Variants in ANO2 observed in about 807,000 individuals in gnomAD.
ANO2 encodes the protein anoctamin-2.
Under a neutral mutation model 124.2 loss-of-function variants are expected in ANO2, and 101 were observed. The ratio of observed to expected loss-of-function variants is 0.81; its 90% CI spans 0.69 to 0.96. The LOEUF is 0.96. Ranked by LOEUF, ANO2 falls within the 40% of genes least tolerant of loss-of-function variation. The pLI is 0.00. For synonymous variants in ANO2, 486 were observed against 482.5 expected (o/e 1.01, Z -0.09); for missense variants, 1,293 against 1,274.5 (o/e 1.01, Z -0.22).
At chr12:5,931,430 A>C (rs1247454672) in intron 1 of ANO2, among the ~76,000 whole-genome samples, 5 of 152,148 alleles carry the variant, frequency 3.3e-5, no homozygotes, top group African/African-American at 1.2e-4. Flanking sequence ...TTAAAGCTAA[A>C]CAGAATGTGG....
At chr12:5,666,584 G>A (rs972689282) in intron 14 of ANO2, among the ~76,000 whole-genome samples, 7 of 152,090 alleles carry the variant, frequency 4.6e-5, no homozygotes, top group Non-Finnish European at 7.4e-5. Flanking sequence ...TAAGCTCCTC[G>A]TTACCAAATT....
At chr12:5,748,743 T>G (rs1951346137) in intron 11 of ANO2, among the ~76,000 whole-genome samples, 1 of 151,852 alleles carries the variant, frequency 6.6e-6, no homozygotes. Context: ...TCATGCTAGA[T>G]GCACTGGGGA....
chr12:5,673,389 T>C (rs544486265), intron 14 of ANO2, among the ~76,000 whole-genome samples: 4 of 152,320 alleles, frequency 2.6e-5, no homozygotes, highest in African/African-American at 4.8e-5. Flanking sequence ...TTAAGAAGCA[T>C]TGGCAGGCCT....
intron 13 of ANO2, chr12:5,733,158 C>A: frequency 1.9e-6 from 1 of 527,750 alleles, no homozygotes; most frequent in Non-Finnish European, 3.4e-6. Flanking sequence ...ACATCAAAGT[C>A]AAGGGTGGCC....
intron 10 of ANO2, among the ~76,000 whole-genome samples, chr12:5,762,819 G>C (rs1207243558): frequency 1.4e-5 from 2 of 147,366 alleles, no homozygotes; most frequent in Non-Finnish European, 3.0e-5. Flanking sequence ...TTGGAGTATT[G>C]ATAAGAGATA....
intron 14 of ANO2, among the ~76,000 whole-genome samples, chr12:5,688,375 T>C (rs550305270): frequency 1.7e-4 from 26 of 152,154 alleles, no homozygotes; most frequent in Non-Finnish European, 2.9e-4. Context: ...GCAGGACTGG[T>C]CACCCCTCTC....
At chr12:5,701,463 T>G (rs1423486942) in intron 14 of ANO2, among the ~76,000 whole-genome samples, 1 of 152,190 alleles carries the variant, frequency 6.6e-6, no homozygotes, top group East Asian at 1.9e-4. Flanking sequence ...AGACTTAGAT[T>G]CCTTGAAAGG....
chr12:5,762,332 T>C (rs1006088605), intron 10 of ANO2, among the ~76,000 whole-genome samples: 3 of 152,076 alleles, frequency 2.0e-5, no homozygotes, highest in Admixed American at 6.5e-5. Context: ...CACTGAAAAA[T>C]TGTTCTAAGA....
In ANO2 at chr12:5,830,421, A is replaced by G. The variant is rs2051540443; in HGVS notation, c.840+14T>C. ...CCCATCCTCTTTCCTAACACAGTAC[A>G]TCCATTTACTTACAATGCGGCTGCG... On this transcript the variant is annotated intron_variant, in intron 6 of 24. Coordinates refer to ENST00000682330, the MANE Select transcript of ANO2 (RefSeq NM_001364791.2). 2 of 1,611,620 alleles carry G rather than the reference A, an allele frequency of 1.2e-6. No homozygotes were observed. Among genetic ancestry groups the G allele is most frequent in the South Asian group, 1.1e-5 (1 of 90,182 alleles).
chr12:5,930,533 A>G (rs1942318515), intron 1 of ANO2, among the ~76,000 whole-genome samples: 1 of 152,218 alleles, frequency 6.6e-6, no homozygotes, highest in Non-Finnish European at 1.5e-5. Context: ...GTAGGCAACC[A>G]TGGTCCTGCT....
chr12:5,922,925 G>A (rs1941785594), intron 1 of ANO2, 121 bp from the exon 2 acceptor site: 6 of 1,062,838 alleles, frequency 5.6e-6, no homozygotes, highest in Non-Finnish European at 7.6e-6. Flanking sequence ...CTTCACAGCT[G>A]CCTCCTTGGT....
chr12:5,657,394 A>C (rs1947212193), intron 14 of ANO2, among the ~76,000 whole-genome samples: 1 of 152,148 alleles, frequency 6.6e-6, no homozygotes, highest in Admixed American at 6.5e-5. Context: ...TGGCTTGAGG[A>C]GACATGAATA....
intron 3 of ANO2, among the ~76,000 whole-genome samples, chr12:5,919,752 C>CA (rs1352423494): frequency 6.6e-6 from 1 of 151,268 alleles, no homozygotes; most frequent in Non-Finnish European, 1.5e-5. Context: ...GGCTGGAGTG[C>CA]AGTGGCGCGA....
chr12:5,761,747 C>A (rs1390845599), intron 10 of ANO2, among the ~76,000 whole-genome samples: 1 of 152,100 alleles, frequency 6.6e-6, no homozygotes, highest in East Asian at 1.9e-4. Flanking sequence ...TAGAAACTAA[C>A]CCAAATGTTT....
intron 14 of ANO2, among the ~76,000 whole-genome samples, chr12:5,674,685 C>T (rs1250092602): frequency 2.0e-5 from 3 of 152,194 alleles, no homozygotes; most frequent in Admixed American, 6.5e-5. Flanking sequence ...AGGTGGGCCA[C>T]CTTGACTGCA....
At chr12:5,943,507 G>A (rs1294057091) in intron 1 of ANO2, among the ~76,000 whole-genome samples, 4 of 152,062 alleles carry the variant, frequency 2.6e-5, no homozygotes, top group Admixed American at 1.3e-4. Flanking sequence ...GGGACTCAGC[G>A]GGTAAGGGTG....
intron 3 of ANO2, among the ~76,000 whole-genome samples, chr12:5,882,963 C>T (rs12316156): frequency 0.024 from 3,685 of 152,178 alleles, 150 homozygotes; most frequent in African/African-American, 0.085. Flanking sequence ...GATATGAGAG[C>T]AAAGACGGCT....
At chr12:5,930,607 C>A (rs1349213927) in intron 1 of ANO2, among the ~76,000 whole-genome samples, 2 of 152,272 alleles carry the variant, frequency 1.3e-5, no homozygotes, top group South Asian at 2.1e-4. Flanking sequence ...GACCCTCCCC[C>A]TGGACCCCTC....
chr12:5,832,713 G>C, intron 4 of ANO2, 110 bp from the exon 5 acceptor site: 1 of 1,236,774 alleles, frequency 8.1e-7, no homozygotes, highest in South Asian at 1.6e-5. Context: ...GAACATTGGA[G>C]AGAGGAAGAG....
Sources: allele counts gnomAD v4.1 joint callset (sites outside exome capture counted in the v4.1 genomes callset), GRCh38; gene constraint gnomAD v4.1.1; transcripts MANE v1.5; gene names NCBI Gene and HGNC (gene_info 2026-07-23, HGNC 2026-07-21).